GATAD1: variants seen among roughly 807,000 people sequenced by gnomAD.
The protein encoded by GATAD1 is GATA zinc finger domain containing 1, also known as GATA zinc finger domain-containing protein 1.
In GATAD1, 12 loss-of-function variants were observed where a neutral mutation model predicts 26.5. The observed-to-expected ratio is 0.45, with a 90% CI of 0.29 to 0.73. The LOEUF is 0.73. Ranked by LOEUF, GATAD1 falls within the 30% of genes least tolerant of loss-of-function variation. The probability of loss-of-function intolerance (pLI) is 0.10; values close to 1 mark genes in which losing one functional copy is unlikely to be tolerated. For synonymous variants in GATAD1, 129 were observed against 133.1 expected (o/e 0.97, Z 0.21); for missense variants, 266 against 342.1 (o/e 0.78, Z 1.75).
At chr7:92,455,118 G>GC (rs1789614910) in intron 4 of GATAD1, among the ~76,000 whole-genome samples, 1 of 150,678 alleles carries the variant, frequency 6.6e-6, no homozygotes, top group Admixed American at 6.6e-5. Context: ...GGCGGGGGGG[G>GC]ATGCAATTCA....
At chr7:92,477,128 T>G in the GATAD1 span, among the ~76,000 whole-genome samples, 1 of 152,278 alleles carries the variant, frequency 6.6e-6, no homozygotes. Flanking sequence ...GGACGACAGC[T>G]TTCTGCCTCT....
the GATAD1 span, chr7:92,489,691 T>A: frequency 6.3e-7 from 1 of 1,599,488 alleles, no homozygotes; most frequent in South Asian, 1.1e-5. Flanking sequence ...TTAACAATTA[T>A]AATGAGGGGG....
rs1320172026 is a variant in GATAD1 at position 92,447,880 on chromosome 7, G to T, written c.151G>T (p.Gly51Trp). 1.5e-5 allele frequency: 20 copies of T among 1,295,108 alleles called. No individual in the cohort carries two copies. The highest frequency in any genetic ancestry group is 2.0e-5 in the Non-Finnish European group (20 of 1,021,152). 80.2% of individuals were successfully genotyped at this position (1,295,108 alleles called of 1,614,324 possible). A position where few individuals can be genotyped will look rare whatever the true frequency, so the allele number is the denominator to read the frequency against. The part of the protein sequence containing the change: ...SGGAGSGAAG[G>W]TGGSGGGGFG... ...GGGCGCAGGCTCGGGGGCGGCTGGA[G>T]GGACTGGGGGCAGCGGCGGCGGCGG... is the stretch of plus-strand genomic sequence containing the variant. Residue 51 changes from glycine to tryptophan, a missense_variant, in exon 1 of 5, where the codon GGG becomes TGG. By Grantham distance (184) the Gly-to-Trp change is radical. Transcript: ENST00000287957.
At chr7:92,468,819 C>T in the GATAD1 span, 1 of 763,498 alleles carries the variant, frequency 1.3e-6, no homozygotes, top group South Asian at 1.3e-5. Context: ...CTGAGATTTC[C>T]TCAGGAGGGG....
At chr7:92,489,872 C>A in the GATAD1 span, 1 of 1,614,006 alleles carries the variant, frequency 6.2e-7, no homozygotes, top group Non-Finnish European at 8.5e-7. Context: ...CCAGGCAAAT[C>A]CTGAGTCATG....
chr7:92,455,749 C>T (rs1178599857), intron 4 of GATAD1, among the ~76,000 whole-genome samples: 1 of 152,168 alleles, frequency 6.6e-6, no homozygotes, highest in Non-Finnish European at 1.5e-5. Context: ...AAGTTTGATA[C>T]ATTACCAAAC....
At chr7:92,491,255 A>T in the GATAD1 span, 1 of 1,478,504 alleles carries the variant, frequency 6.8e-7, no homozygotes, top group Non-Finnish European at 9.5e-7. Context: ...CTGTATAATG[A>T]TGACTGCACA....
downstream of GATAD1, among the ~76,000 whole-genome samples, chr7:92,461,883 A>G (rs772890642): frequency 3.9e-5 from 6 of 152,152 alleles, no homozygotes; most frequent in African/African-American, 7.2e-5. Flanking sequence ...CTTCTGCCAT[A>G]TGCTGTTGGG....
chr7:92,475,400 T>C, the GATAD1 span: 1 of 152,346 alleles, frequency 6.6e-6, no homozygotes, highest in Non-Finnish European at 1.5e-5. Context: ...GCTTATTCTT[T>C]CCAGGGTGCA....
chr7:92,472,994 GGCTAAT>G, the GATAD1 span: 1 of 152,172 alleles, frequency 6.6e-6, no homozygotes, highest in Non-Finnish European at 1.5e-5. Context: ...TCAAGTCTTG[GGCTAAT>G]GCCTGGCCAA....
chr7:92,494,413 C>T, the GATAD1 span: 87 of 1,611,816 alleles, frequency 5.4e-5, no homozygotes, highest in Non-Finnish European at 7.3e-5. Flanking sequence ...GAAAAAAGAA[C>T]ATTTTTTTAC....
At chr7:92,492,648 CTAAT>C in the GATAD1 span, among the ~76,000 whole-genome samples, 8 of 152,270 alleles carry the variant, frequency 5.3e-5, no homozygotes, top group South Asian at 4.2e-4. Context: ...ACAAAAAACT[CTAAT>C]TATTTTTGTT....
the GATAD1 span, among the ~76,000 whole-genome samples, chr7:92,477,168 G>A: frequency 1.3e-5 from 2 of 152,142 alleles, no homozygotes; most frequent in Admixed American, 1.3e-4. Flanking sequence ...CAAGAAAACT[G>A]AAAGTGGAAG....
At chr7:92,469,233 T>C in the GATAD1 span, 6 of 763,250 alleles carry the variant, frequency 7.9e-6, no homozygotes, top group African/African-American at 1.0e-4. Flanking sequence ...CTAAAGCTCT[T>C]CGATTTTGAA....
chr7:92,450,494 T>G (rs1369269041), intron 2 of GATAD1: 2 of 539,052 alleles, frequency 3.7e-6, no homozygotes, highest in African/African-American at 3.9e-5. Context: ...GTCTCAGCAA[T>G]TTTTAAGCTA....
chr7:92,462,684 G>C (rs1426889275), downstream of GATAD1, among the ~76,000 whole-genome samples: 7 of 152,214 alleles, frequency 4.6e-5, no homozygotes, highest in Admixed American at 6.5e-5. Context: ...TAGGGGAGTA[G>C]GGCCTTTGGG....
downstream of GATAD1, among the ~76,000 whole-genome samples, chr7:92,462,560 A>G (rs1789959797): frequency 6.6e-6 from 1 of 152,236 alleles, no homozygotes; most frequent in Non-Finnish European, 1.5e-5. Context: ...CAACTTTAAA[A>G]TAGATATTTA....
At chr7:92,487,552 A>C in the GATAD1 span, 1 of 1,369,042 alleles carries the variant, frequency 7.3e-7, no homozygotes, top group African/African-American at 1.4e-5. Context: ...CTGAAAAAAG[A>C]AAGAGATAAT....
chr7:92,494,653 A>T, the GATAD1 span: 37 of 1,612,234 alleles, frequency 2.3e-5, no homozygotes, highest in Admixed American at 3.3e-5. Context: ...ACAACATTTC[A>T]TATTTGAATC....
Sources: allele counts gnomAD v4.1 joint callset (sites outside exome capture counted in the v4.1 genomes callset), GRCh38; gene constraint gnomAD v4.1.1; transcripts MANE v1.5; gene names NCBI Gene and HGNC (gene_info 2026-07-23, HGNC 2026-07-21).